CHN2: variants seen among roughly 807,000 people sequenced by gnomAD.
CHN2 encodes the protein beta-chimaerin.
In CHN2, 35 loss-of-function variants were observed where a neutral mutation model predicts 56.3. That is an observed-to-expected ratio of 0.62 (90% CI 0.47 to 0.82). The LOEUF is 0.82. Among genes scored for constraint, CHN2 ranks in the 40% least tolerant of loss-of-function variants. CHN2 has a pLI of 0.00. For missense variants in CHN2, 491 were observed against 580.5 expected (o/e 0.85, Z 1.58); for synonymous variants, 210 against 212.8 (o/e 0.99, Z 0.12).
intron 1 of CHN2, among the ~76,000 whole-genome samples, chr7:29,250,462 C>T (rs1355713869): frequency 6.6e-6 from 1 of 152,164 alleles, no homozygotes; most frequent in African/African-American, 2.4e-5. Context: ...GTGCATGTCT[C>T]ACAGAATCAG....
chr7:29,371,212 A>G (rs1480830574), intron 3 of CHN2, among the ~76,000 whole-genome samples: 2 of 152,208 alleles, frequency 1.3e-5, no homozygotes, highest in African/African-American at 4.8e-5. Context: ...TGTAAGGGTA[A>G]GAGGCAGTGA....
rs565426418 is a variant in CHN2, at chr7:29,474,101, A to G, written c.577-6178A>G. 6.6e-5 allele frequency among the ~76,000 whole-genome samples: 10 copies of G among 152,286 alleles called. No individual in the cohort carries two copies. In the South Asian group the frequency reaches 2.1e-3, roughly 32 times the overall value. ...ATATATTTTGGTGTGTTTTCTTCTG[A>G]TATTTTCTGTGCATACCTACTTACA... is the stretch of plus-strand genomic sequence containing the variant. On this transcript the variant is annotated intron_variant, in intron 6 of 12. Coordinates refer to ENST00000222792, the MANE Select transcript of CHN2 (RefSeq NM_004067.4).
intron 3 of CHN2, among the ~76,000 whole-genome samples, chr7:29,376,661 C>G (rs141173716): frequency 4.5e-4 from 69 of 152,338 alleles, no homozygotes; most frequent in African/African-American, 1.6e-3. Context: ...ATAGAAGACT[C>G]AAGATGCTTT....
chr7:29,448,640 C>T (rs1367535168), intron 6 of CHN2, among the ~76,000 whole-genome samples: 3 of 152,164 alleles, frequency 2.0e-5, no homozygotes, highest in Non-Finnish European at 4.4e-5. Context: ...TAATAGATCA[C>T]CCTGTAACTC....
rs151066787 is a variant in CHN2, at chr7:29,510,816, C to T, written c.1235+1410C>T. ...GGTATGAATTCCAGGAGGCATGGAT[C>T]GCTGAGGTCCATCTCAGAGAGTACC... On this transcript the variant is annotated intron_variant, in intron 12 of 12. Transcript: ENST00000222792. Among the ~76,000 whole-genome samples the T allele has an allele frequency of 2.2e-3, 332 of 152,290 alleles. 1 individual carries two copies. Among genetic ancestry groups the T allele is most frequent in the African/African-American group, 7.5e-3 (311 of 41,572 alleles).
chr7:29,230,049 A>ATGGC (rs1326675807), intron 1 of CHN2, among the ~76,000 whole-genome samples: 1 of 152,150 alleles, frequency 6.6e-6, no homozygotes, highest in Non-Finnish European at 1.5e-5. Context: ...GGTATTGTCG[A>ATGGC]TGGCTGCTTT....
At chr7:29,212,330 C>T in intron 1 of CHN2, 2 of 1,416,730 alleles carry the variant, frequency 1.4e-6, no homozygotes, top group Non-Finnish European at 1.0e-6. Flanking sequence ...GTCTGCAAAG[C>T]TTGCCTTGCT....
intron 1 of CHN2, among the ~76,000 whole-genome samples, chr7:29,271,661 G>A (rs1019139341): frequency 1.3e-5 from 2 of 152,186 alleles, no homozygotes. Flanking sequence ...GTGCAGAATC[G>A]ATTCTGTTTC....
chr7:29,465,767 T>A (rs1785503116), intron 6 of CHN2, among the ~76,000 whole-genome samples: 1 of 152,216 alleles, frequency 6.6e-6, no homozygotes, highest in African/African-American at 2.4e-5. Context: ...TACACAACTC[T>A]TCAGGAGATG....
At position 29,398,057 on chromosome 7, in the gene CHN2, AAGG is replaced by A. The variant is rs779345028; in HGVS notation, c.177-315_177-313del. 5.9e-3 allele frequency: 680 copies of A among 114,352 alleles called. 10 individuals are homozygous for A. Among genetic ancestry groups the A allele is most frequent in the African/African-American group, 0.023 (590 of 25,844 alleles). The allele number at this position is 114,352 out of a possible 1,614,324, so 7.1% of individuals were successfully genotyped here. A position where few individuals can be genotyped will look rare whatever the true frequency, so the allele number is the denominator to read the frequency against. On this transcript the variant is annotated intron_variant, in intron 4 of 12. Transcript: ENST00000222792. ...TCTGTTATTTCCCATGGTTAAAAAA[AAGG>A]GGGGGGGGGGGCGGTGGTTGAGTAA...
intron 1 of CHN2, among the ~76,000 whole-genome samples, chr7:29,233,999 A>G (rs1238638127): frequency 2.0e-5 from 3 of 149,494 alleles, no homozygotes; most frequent in African/African-American, 7.4e-5. Context: ...ACGCCCGGCT[A>G]ATTTTTTGTA....
intron 7 of CHN2, among the ~76,000 whole-genome samples, chr7:29,488,290 A>G (rs1483956816): frequency 6.6e-6 from 1 of 152,168 alleles, no homozygotes; most frequent in Non-Finnish European, 1.5e-5. Flanking sequence ...GTTTAACCTA[A>G]TTTTTCATAT....
At chr7:29,394,983 C>T (rs1174829871) in intron 4 of CHN2, among the ~76,000 whole-genome samples, 1 of 152,124 alleles carries the variant, frequency 6.6e-6, no homozygotes, top group Non-Finnish European at 1.5e-5. Flanking sequence ...TAGCCTAAAA[C>T]CTTCAGATTC....
rs931859811 is a variant in CHN2, at chr7:29,316,756, T to C, written c.50-37869T>C. On this transcript the variant is annotated intron_variant, in intron 1 of 12. Coordinates refer to ENST00000222792, the MANE Select transcript of CHN2 (RefSeq NM_004067.4). ...TTCCACAATGTTGGGATTATACTTC[T>C]AATTTGCCAAAGAAATAGCTAAGCT... Among the ~76,000 whole-genome samples, 3 of 152,130 alleles carry C rather than the reference T, an allele frequency of 2.0e-5. No homozygotes were observed. The East Asian group carries it at 5.8e-4, about 29-fold the overall frequency.
intron 6 of CHN2, among the ~76,000 whole-genome samples, chr7:29,405,442 T>G (rs1429486286): frequency 6.6e-6 from 1 of 152,094 alleles, no homozygotes; most frequent in African/African-American, 2.4e-5. Flanking sequence ...GCTGCTTTCT[T>G]CCTTCCTGGC....
intron 6 of CHN2, among the ~76,000 whole-genome samples, chr7:29,452,832 G>T (rs923992048): frequency 7.2e-5 from 11 of 152,214 alleles, no homozygotes; most frequent in Non-Finnish European, 1.3e-4. Flanking sequence ...GAGCAGTGTG[G>T]CATGGTAGCA....
At chr7:29,504,722 T>G in intron 9 of CHN2, 22 bp from the exon 10 acceptor site, 1 of 990,606 alleles carries the variant, frequency 1.0e-6, no homozygotes, top group Non-Finnish European at 1.4e-6. Context: ...CTAAAGTCAG[T>G]CTCTCTCTCT....
chr7:29,255,374 A>T (rs983367759), intron 1 of CHN2, among the ~76,000 whole-genome samples: 3 of 152,176 alleles, frequency 2.0e-5, no homozygotes, highest in Admixed American at 6.5e-5. Flanking sequence ...ACCCCCAGCC[A>T]GTCCTAAATC....
chr7:29,374,835 TCC>T (rs1799909643), intron 3 of CHN2, among the ~76,000 whole-genome samples: 1 of 148,264 alleles, frequency 6.7e-6, no homozygotes, highest in Non-Finnish European at 1.5e-5. Context: ...CTTCCTTCCT[TCC>T]TTCCTTCCTT....
Sources: allele counts gnomAD v4.1 joint callset (sites outside exome capture counted in the v4.1 genomes callset), GRCh38; gene constraint gnomAD v4.1.1; transcripts MANE v1.5; gene names NCBI Gene and HGNC (gene_info 2026-07-23, HGNC 2026-07-21).